Variants in TIAM1 observed in about 807,000 individuals in gnomAD.
The protein encoded by TIAM1 is rho guanine nucleotide exchange factor TIAM1.
In TIAM1, 65 loss-of-function variants were observed where a neutral mutation model predicts 163.5. That is an observed-to-expected ratio of 0.40 (90% CI 0.33 to 0.49). The LOEUF (loss-of-function observed/expected upper bound fraction) is 0.49. Ranked by LOEUF, TIAM1 falls within the 20% of genes least tolerant of loss-of-function variation. The probability of loss-of-function intolerance (pLI) is 0.77; values close to 1 mark genes in which losing one functional copy is unlikely to be tolerated. For synonymous variants in TIAM1, 833 were observed against 810.1 expected, an observed-to-expected ratio of 1.03 and a Z score of -0.48; for missense variants, 1,789 against 2,044.7, an observed-to-expected ratio of 0.87 and a Z score of 2.41.
intron 7 of TIAM1, among the ~76,000 whole-genome samples, chr21:31,224,305 C>A (rs1448843390): frequency 6.6e-6 from 1 of 152,170 alleles, no homozygotes; most frequent in Non-Finnish European, 1.5e-5. Flanking sequence ...ACTGTACACA[C>A]ATGTTCATAG....
chr21:31,352,727 T>C (rs1302315017), intron 2 of TIAM1, among the ~76,000 whole-genome samples: 2 of 151,276 alleles, frequency 1.3e-5, no homozygotes, highest in African/African-American at 2.4e-5. Context: ...AAATAAATAT[T>C]AGCCAGGGAT....
At chr21:31,267,771 AG>A (rs1384955415) in intron 3 of TIAM1, among the ~76,000 whole-genome samples, 1 of 152,194 alleles carries the variant, frequency 6.6e-6, no homozygotes, top group Non-Finnish European at 1.5e-5. Context: ...CTCTCTGCTT[AG>A]CAGTAGATTA....
chr21:31,388,261 C>CT (rs1229331187), intron 2 of TIAM1, among the ~76,000 whole-genome samples: 1 of 94,516 alleles, frequency 1.1e-5, no homozygotes, highest in African/African-American at 5.0e-5. Context: ...ACACACACAA[C>CT]CTCTTACGTG....
At chr21:31,182,319 C>T (rs1367304658) in intron 15 of TIAM1, 102 bp downstream of exon 15, 2 of 989,726 alleles carry the variant, frequency 2.0e-6, no homozygotes, top group Non-Finnish European at 2.8e-6. Flanking sequence ...TACCACCTGC[C>T]AGACAGAGGC....
Position 31,533,686 on chromosome 21 carries a change from C to G in TIAM1, c.-422+25241G>C, listed in dbSNP as rs553313083. Among the ~76,000 whole-genome samples, 29 of 152,272 alleles carry G rather than the reference C, an allele frequency of 1.9e-4. No homozygotes were observed. In the East Asian group the frequency reaches 3.3e-3, roughly 17 times the overall value. On this transcript the variant is annotated intron_variant, in intron 1 of 28. Coordinates refer to the TIAM1 transcript ENST00000286827. Reference sequence around the variant, plus strand: ...AGTTTGAGGCTGCACGAGCTGTGTTCATGCCACTGCTCTCCGGCCTGGGTG... The same window carrying G: ...AGTTTGAGGCTGCACGAGCTGTGTTGATGCCACTGCTCTCCGGCCTGGGTG...
intron 12 of TIAM1, among the ~76,000 whole-genome samples, chr21:31,200,337 A>G (rs2086129640): frequency 6.6e-6 from 1 of 151,952 alleles, no homozygotes; most frequent in Non-Finnish European, 1.5e-5. Flanking sequence ...ACTTCATCAC[A>G]GAAAAAAAAA....
chr21:31,209,587 A>T (rs1159559190), intron 11 of TIAM1, among the ~76,000 whole-genome samples: 1 of 152,252 alleles, frequency 6.6e-6, no homozygotes, highest in Non-Finnish European at 1.5e-5. Flanking sequence ...GTTACTGATT[A>T]AAGAGCAGGT....
At chr21:31,383,930 A>G (rs1026008687) in intron 2 of TIAM1, among the ~76,000 whole-genome samples, 3 of 152,184 alleles carry the variant, frequency 2.0e-5, no homozygotes, top group African/African-American at 7.2e-5. Flanking sequence ...AATCTGGGCC[A>G]ATGGACAGGT....
chr21:31,414,958 T>G (rs904378668), intron 2 of TIAM1, among the ~76,000 whole-genome samples: 1 of 152,092 alleles, frequency 6.6e-6, no homozygotes, highest in South Asian at 2.1e-4. Flanking sequence ...CCTGGGAAAG[T>G]TTGTGTGGTC....
At chr21:31,513,177 A>T (rs2047269696) in intron 1 of TIAM1, among the ~76,000 whole-genome samples, 1 of 152,202 alleles carries the variant, frequency 6.6e-6, no homozygotes, top group Admixed American at 6.5e-5. Context: ...TATGTTCCAT[A>T]CATATACACG....
At chr21:31,165,443 T>C (rs909064294) in intron 15 of TIAM1, among the ~76,000 whole-genome samples, 6 of 152,030 alleles carry the variant, frequency 3.9e-5, no homozygotes, top group African/African-American at 1.5e-4. Flanking sequence ...ATTAGTGTCA[T>C]AAGAAGAGAT....
At chr21:31,452,888 T>G in intron 2 of TIAM1, 1 of 517,082 alleles carries the variant, frequency 1.9e-6, no homozygotes, top group African/African-American at 1.9e-5. Context: ...CTTTTTGGTA[T>G]GACGATGTCC....
chr21:31,482,060 A>AGTGTGTGTGTGTGT lies in TIAM1; in HGVS notation c.-421-18039_-421-18026dup, dbSNP rs10523425. On this transcript the variant is annotated intron_variant, in intron 1 of 28. Transcript: ENST00000286827. ...AACTGTGTGCCAGGAACTGGGACAA[A>AGTGTGTGTGTGTGT]GTGTGTGTGTGTGTGTGTGTGTGTG... is the stretch of plus-strand genomic sequence containing the variant. 9.4e-3 allele frequency among the ~76,000 whole-genome samples: 1,368 copies of AGTGTGTGTGTGTGT among 145,688 alleles called. 11 individuals carry two copies. Among genetic ancestry groups the AGTGTGTGTGTGTGT allele is most frequent in the African/African-American group, 0.015 (567 of 38,626 alleles).
chr21:31,558,011 G>A (rs1241735587), intron 1 of TIAM1, among the ~76,000 whole-genome samples: 1 of 152,174 alleles, frequency 6.6e-6, no homozygotes, highest in Non-Finnish European at 1.5e-5. Flanking sequence ...CCGCGGCCGG[G>A]GGGAGGGGGC....
chr21:31,423,102 T>A (rs2043640043), intron 2 of TIAM1, among the ~76,000 whole-genome samples: 1 of 137,158 alleles, frequency 7.3e-6, no homozygotes, highest in African/African-American at 2.7e-5. Flanking sequence ...TTTTTTTTTT[T>A]TTTTTTTTTT....
At chr21:31,253,469 C>T (rs907913607) in intron 4 of TIAM1, among the ~76,000 whole-genome samples, 3 of 152,150 alleles carry the variant, frequency 2.0e-5, no homozygotes, top group Non-Finnish European at 4.4e-5. Context: ...ACACAAGGCC[C>T]CAGACAGACA....
intron 2 of TIAM1, among the ~76,000 whole-genome samples, chr21:31,420,065 A>G (rs1052479636): frequency 6.6e-6 from 1 of 152,228 alleles, no homozygotes; most frequent in African/African-American, 2.4e-5. Context: ...CTAAAAATAA[A>G]AAATAAATAA....
intron 4 of TIAM1, among the ~76,000 whole-genome samples, chr21:31,265,473 G>A (rs1033798935): frequency 1.3e-5 from 2 of 151,710 alleles, no homozygotes; most frequent in Non-Finnish European, 2.9e-5. Context: ...AGCATCGCAC[G>A]GAACAGGAAA....
intron 1 of TIAM1, among the ~76,000 whole-genome samples, chr21:31,489,023 G>C (rs2046367401): frequency 1.3e-5 from 2 of 149,550 alleles, no homozygotes; most frequent in South Asian, 4.2e-4. Context: ...AAAAATACTT[G>C]CCAAGCATAT....
Sources: allele counts gnomAD v4.1 joint callset (sites outside exome capture counted in the v4.1 genomes callset), GRCh38; gene constraint gnomAD v4.1.1; transcripts MANE v1.5; gene names NCBI Gene and HGNC (gene_info 2026-07-23, HGNC 2026-07-21).